Variants in NOL4 observed in about 807,000 individuals in gnomAD.
The protein encoded by NOL4 is nucleolar protein 4, also known as cancer/testis antigen 125.
Under a neutral mutation model 75.9 loss-of-function variants are expected in NOL4, and 17 were observed. The observed-to-expected ratio is 0.22, with a 90% CI of 0.15 to 0.34. NOL4 has a LOEUF of 0.34. Among genes scored for constraint, NOL4 ranks in the 10% least tolerant of loss-of-function variants. NOL4 has a pLI of 1.00. For synonymous variants in NOL4, 292 were observed against 289.9 expected (o/e 1.01, Z -0.07); for missense variants, 614 against 793.5 (o/e 0.77, Z 2.72).
chr18:34,119,490 C>T (rs1325187907), intron 2 of NOL4, among the ~76,000 whole-genome samples: 1 of 152,088 alleles, frequency 6.6e-6, no homozygotes, highest in Non-Finnish European at 1.5e-5. Context: ...AAAGCACTGC[C>T]CACATTTTCT....
At chr18:33,960,403 A>G (rs2145761818) in intron 6 of NOL4, among the ~76,000 whole-genome samples, 1 of 152,238 alleles carries the variant, frequency 6.6e-6, no homozygotes, top group Admixed American at 6.5e-5. Context: ...ATATATATTT[A>G]AGAGAATAAA....
At chr18:34,212,955 G>GC (rs1348800984) in intron 1 of NOL4, among the ~76,000 whole-genome samples, 5 of 152,140 alleles carry the variant, frequency 3.3e-5, no homozygotes, top group African/African-American at 9.6e-5. Flanking sequence ...CCCATGAAAG[G>GC]CCCCCCTTTC....
intron 6 of NOL4, among the ~76,000 whole-genome samples, chr18:34,018,013 C>T (rs185444227): frequency 3.9e-5 from 6 of 151,966 alleles, no homozygotes; most frequent in Non-Finnish European, 7.4e-5. Flanking sequence ...TAATAAGCAT[C>T]GTTCCCAGAG....
intron 4 of NOL4, among the ~76,000 whole-genome samples, chr18:34,097,256 A>C (rs544676168): frequency 2.1e-4 from 32 of 152,282 alleles, no homozygotes; most frequent in African/African-American, 7.5e-4. Context: ...CACTCCCACC[A>C]ATCTTCTCTT....
At chr18:33,864,052 T>G (rs2063313359) in intron 10 of NOL4, among the ~76,000 whole-genome samples, 2 of 152,178 alleles carry the variant, frequency 1.3e-5, no homozygotes, top group Admixed American at 1.3e-4. Flanking sequence ...CAACTGGAGC[T>G]GGAGTGGCTG....
Position 34,019,588 on chromosome 18 carries a change from T to C in NOL4, c.786A>G (p.Ala262=), listed in dbSNP as rs1199169556. Residue 262 remains alanine (A), a synonymous_variant, in exon 6 of 11, where the codon GCA becomes GCG. Coordinates refer to ENST00000261592, the MANE Select transcript of NOL4 (RefSeq NM_003787.5). ...LHGQQDDDSA[A]ESFNGNETLG... is the part of the protein sequence containing the mutation. ...GAGTCTCATTGCCATTAAAGCTCTC[T>C]GCAGCAGAATCATCTGTTGGAAAGG... The C allele has an allele frequency of 6.2e-7, 1 of 1,611,142 alleles. No individual in the cohort carries two copies. Among genetic ancestry groups the C allele is most frequent in the Non-Finnish European group, 8.5e-7 (1 of 1,177,828 alleles).
chr18:34,200,741 G>C (rs1040301936), intron 1 of NOL4, among the ~76,000 whole-genome samples: 5 of 151,616 alleles, frequency 3.3e-5, no homozygotes, highest in African/African-American at 1.2e-4. Context: ...ATATAAAAAA[G>C]TTGATCTGTT....
rs2037458066 is a variant in NOL4, at chr18:34,223,432, C to A, written c.-179G>T. On this transcript the variant is annotated 5_prime_UTR_variant, in exon 1 of 11. Coordinates refer to ENST00000261592, the MANE Select transcript of NOL4 (RefSeq NM_003787.5). Reference sequence around the variant, plus strand: ...AGGGGAGGAGGGTCCGGTTGGGCACCAGCAATCAATGCCCCGTGCTACCAA... The same window carrying A: ...AGGGGAGGAGGGTCCGGTTGGGCACAAGCAATCAATGCCCCGTGCTACCAA... 1.3e-6 allele frequency: 1 copy of A among 773,136 alleles called. No individual in the cohort carries two copies. 47.9% of individuals were successfully genotyped at this position (773,136 alleles called of 1,614,324 possible). A position where few individuals can be genotyped will look rare whatever the true frequency, so the allele number is the denominator to read the frequency against.
At chr18:34,055,908 A>G (rs2076816876) in intron 5 of NOL4, among the ~76,000 whole-genome samples, 1 of 151,764 alleles carries the variant, frequency 6.6e-6, no homozygotes, top group Non-Finnish European at 1.5e-5. Flanking sequence ...TCTCTAAATA[A>G]TTTTTCAATT....
At chr18:34,065,918 G>A (rs1367267050) in intron 5 of NOL4, among the ~76,000 whole-genome samples, 1 of 151,856 alleles carries the variant, frequency 6.6e-6, no homozygotes, top group Non-Finnish European at 1.5e-5. Context: ...TTATAAAAAG[G>A]AAGTCGAAAT....
chr18:33,853,970 A>G (rs1247113023), intron 10 of NOL4, among the ~76,000 whole-genome samples: 3 of 152,102 alleles, frequency 2.0e-5, no homozygotes, highest in Non-Finnish European at 4.4e-5. Context: ...TTAAGTGTTC[A>G]CTTTTATACT....
At chr18:33,887,855 T>C (rs1341070726) in intron 9 of NOL4, among the ~76,000 whole-genome samples, 1 of 152,202 alleles carries the variant, frequency 6.6e-6, no homozygotes, top group Non-Finnish European at 1.5e-5. Flanking sequence ...TTCTTTGCTA[T>C]TGTGAATAGT....
intron 1 of NOL4, among the ~76,000 whole-genome samples, chr18:34,132,036 C>G (rs2080675876): frequency 6.6e-6 from 1 of 152,186 alleles, no homozygotes; most frequent in African/African-American, 2.4e-5. Context: ...GTCCACAGAG[C>G]TATACTCTTT....
At chr18:33,938,134 C>T (rs2068191937) in intron 9 of NOL4, among the ~76,000 whole-genome samples, 1 of 152,032 alleles carries the variant, frequency 6.6e-6, no homozygotes, top group African/African-American at 2.4e-5. Context: ...AACTCATATT[C>T]TGGCTTTCTC....
chr18:34,222,942 G>A lies in NOL4; in HGVS notation c.264+48C>T, dbSNP rs746117313. 2.3e-5 allele frequency: 36 copies of A among 1,588,176 alleles called. No homozygotes were observed. In the African/African-American group the frequency reaches 4.3e-4, roughly 19 times the overall value. ...CCGCCTCTCTCCTTCCTCCCTCCCC[G>A]CCGGGCTGCTCCGGCAGACAAATAA... On this transcript the variant is annotated intron_variant, in intron 1 of 10. Coordinates refer to ENST00000261592, the MANE Select transcript of NOL4 (RefSeq NM_003787.5).
At chr18:34,045,028 A>G (rs1028122101) in intron 5 of NOL4, among the ~76,000 whole-genome samples, 8 of 152,220 alleles carry the variant, frequency 5.3e-5, no homozygotes, top group African/African-American at 1.9e-4. Context: ...CCTTCTTATC[A>G]TCTATCTTTT....
chr18:33,938,978 T>G lies in NOL4; in HGVS notation c.1542+4087A>C, dbSNP rs369890963. Among the ~76,000 whole-genome samples the G allele has an allele frequency of 6.6e-5, 10 of 152,286 alleles. No homozygotes were observed. In the East Asian group the frequency reaches 1.4e-3, roughly 21 times the overall value. On this transcript the variant is annotated intron_variant, in intron 9 of 10. Transcript: ENST00000261592. ...ATAAGGTGTAAGGAAAAGGTCCAGT[T>G]TCAGCTTTCTGAGTATGGCTATCCA...
chr18:34,086,768 G>C (rs1249951659), intron 5 of NOL4, among the ~76,000 whole-genome samples: 1 of 152,084 alleles, frequency 6.6e-6, no homozygotes, highest in African/African-American at 2.4e-5. Flanking sequence ...TTGTGTGCGT[G>C]TTCTAAAGTC....
intron 10 of NOL4, among the ~76,000 whole-genome samples, chr18:33,868,175 C>A (rs2063522113): frequency 6.6e-6 from 1 of 151,370 alleles, no homozygotes; most frequent in Non-Finnish European, 1.5e-5. Flanking sequence ...GTATCTGGGG[C>A]TACAGGCCAT....
Sources: allele counts gnomAD v4.1 joint callset (sites outside exome capture counted in the v4.1 genomes callset), GRCh38; gene constraint gnomAD v4.1.1; transcripts MANE v1.5; gene names NCBI Gene and HGNC (gene_info 2026-07-23, HGNC 2026-07-21).